Variants in MCF2L2 observed in about 807,000 individuals in gnomAD.
MCF2L2 encodes probable guanine nucleotide exchange factor MCF2L2.
MCF2L2 carries 102 observed loss-of-function variants against 150.2 expected under a neutral mutation model. The ratio of observed to expected loss-of-function variants is 0.68; its 90% CI spans 0.58 to 0.80. The LOEUF is 0.80. Among genes scored for constraint, MCF2L2 ranks in the 30% least tolerant of loss-of-function variants. MCF2L2 has a pLI of 0.00. For missense variants in MCF2L2, 1,256 were observed against 1,372.8 expected (o/e 0.91, Z 1.34); for synonymous variants, 465 against 491.3 (o/e 0.95, Z 0.71).
chr3:183,335,832 G>C (rs959400415), intron 5 of MCF2L2, among the ~76,000 whole-genome samples: 3 of 152,180 alleles, frequency 2.0e-5, no homozygotes, highest in African/African-American at 7.2e-5. Context: ...TTGCACTCTA[G>C]CCTGGGTGAC....
Position 183,179,206 on chromosome 3 carries a change from G to A in MCF2L2, c.*174C>T, listed in dbSNP as rs1721421462. 16 of 865,570 alleles carry A rather than the reference G, an allele frequency of 1.8e-5. No individual in the cohort carries two copies. The highest frequency in any genetic ancestry group is 3.3e-5 in the East Asian group (1 of 29,990). 53.6% of individuals were successfully genotyped at this position (865,570 alleles called of 1,614,324 possible). A position where few individuals can be genotyped will look rare whatever the true frequency, so the allele number is the denominator to read the frequency against. On this transcript the variant is annotated 3_prime_UTR_variant, in exon 30 of 30. Coordinates refer to ENST00000328913, the MANE Select transcript of MCF2L2 (RefSeq NM_015078.4). This position sits in a 1 kb window ranked among gnomAD's most constrained non-coding sequence, Gnocchi z 4.2. ...CGAGGTCCCCCGTGCGGAGCTAGGC[G>A]CGCACCCAGGACACCCCTCGGGCTC...
chr3:183,370,547 G>A (rs565652089), intron 3 of MCF2L2, among the ~76,000 whole-genome samples: 1 of 152,242 alleles, frequency 6.6e-6, no homozygotes, highest in African/African-American at 2.4e-5. Flanking sequence ...AAGATGGAAC[G>A]TGGGTTTCTA....
intron 1 of MCF2L2, among the ~76,000 whole-genome samples, chr3:183,401,613 C>A (rs1410214182): frequency 6.6e-6 from 1 of 152,230 alleles, no homozygotes; most frequent in Non-Finnish European, 1.5e-5. Flanking sequence ...CCCTGGTTCC[C>A]AGGCAACCAC....
intron 7 of MCF2L2, among the ~76,000 whole-genome samples, chr3:183,315,496 G>C (rs1283426414): frequency 6.6e-6 from 1 of 152,160 alleles, no homozygotes; most frequent in Non-Finnish European, 1.5e-5. Flanking sequence ...TTACAGGTTG[G>C]ATAGGGGGTG....
At chr3:183,333,961 CAAAA>C (rs57368442) in intron 5 of MCF2L2, among the ~76,000 whole-genome samples, 16,332 of 94,888 alleles carry the variant, frequency 0.17, 2,328 homozygotes, top group African/African-American at 0.37. Flanking sequence ...AAGGAAGTGC[CAAAA>C]AAAAAAAAAA....
intron 10 of MCF2L2, among the ~76,000 whole-genome samples, chr3:183,301,653 GGCATGGCA>G (rs548971198): frequency 3.9e-5 from 6 of 152,088 alleles, no homozygotes; most frequent in Non-Finnish European, 8.8e-5. Flanking sequence ...AAATTAGCCA[GGCATGGCA>G]GCATGCGCCG....
At chr3:183,323,155 C>T in intron 6 of MCF2L2, 80 bp downstream of exon 6, 1 of 969,474 alleles carries the variant, frequency 1.0e-6, no homozygotes, top group Non-Finnish European at 1.6e-6. Context: ...GACCTCCTGG[C>T]AGTTGATCTT....
intron 5 of MCF2L2, among the ~76,000 whole-genome samples, chr3:183,323,565 G>A (rs1455765136): frequency 1.3e-5 from 2 of 151,852 alleles, no homozygotes; most frequent in African/African-American, 4.8e-5. Context: ...GCTGAGGTGG[G>A]AGAATCATTT....
rs528156182 is a variant in MCF2L2 at position 183,272,775 on chromosome 3, G to T, written c.1862+4097C>A. 10 of 1,109,890 alleles carry T rather than the reference G, an allele frequency of 9.0e-6. No individual in the cohort carries two copies. The South Asian group carries it at 3.4e-4, about 38-fold the overall frequency. 68.8% of individuals were successfully genotyped at this position (1,109,890 alleles called of 1,614,324 possible). The stretch of plus-strand genomic sequence containing the variant: ...ATTGATTAATGATGTATTGCCTTTT[G>T]CCCATATATACCCTGTGTATCTATA... On this transcript the variant is annotated intron_variant, in intron 15 of 29. Transcript: ENST00000328913.
chr3:183,300,026 C>T lies in MCF2L2; in HGVS notation c.1284G>A (p.Glu428=), dbSNP rs753535980. 1 of 1,613,638 alleles carries T rather than the reference C, an allele frequency of 6.2e-7. No homozygotes were observed. Among genetic ancestry groups the T allele is most frequent in the East Asian group, 2.2e-5 (1 of 44,862 alleles). ...TCACCTTGTCCAGCTGTCTATGAAA[C>T]TCTAAGGACTTTCCTAAAATGTCCC... ...KKWDILGKSL[E]FHRQLDKVSQ... is the part of the protein sequence containing the mutation. The change falls in exon 11 of 30, where the codon GAG becomes GAA. Residue 428 remains glutamate, a synonymous_variant. Coordinates refer to ENST00000328913, the MANE Select transcript of MCF2L2 (RefSeq NM_015078.4).
intron 1 of MCF2L2, among the ~76,000 whole-genome samples, chr3:183,399,060 CTTCAA>C (rs2108609300): frequency 6.6e-6 from 1 of 152,270 alleles, no homozygotes; most frequent in South Asian, 2.1e-4. Flanking sequence ...TATATATACA[CTTCAA>C]TTCAAGCCTT....
At chr3:183,362,110 T>TTC (rs201553756) in intron 3 of MCF2L2, among the ~76,000 whole-genome samples, 2 of 74,384 alleles carry the variant, frequency 2.7e-5, no homozygotes, top group East Asian at 1.1e-3. Context: ...TCTCAAGAAC[T>TTC]TTTTTTTTTT....
intron 1 of MCF2L2, among the ~76,000 whole-genome samples, chr3:183,421,596 T>C (rs1715885834): frequency 6.6e-6 from 1 of 152,224 alleles, no homozygotes; most frequent in Admixed American, 6.5e-5. Flanking sequence ...TTTGAACATA[T>C]TTATTGCGGC....
At chr3:183,390,061 C>T (rs1714054113) in intron 1 of MCF2L2, among the ~76,000 whole-genome samples, 1 of 152,152 alleles carries the variant, frequency 6.6e-6, no homozygotes, top group African/African-American at 2.4e-5. Context: ...GTTTAAGCTC[C>T]AGCAGCTTCA....
intron 15 of MCF2L2, among the ~76,000 whole-genome samples, chr3:183,241,146 G>A (rs1724007507): frequency 6.6e-6 from 1 of 152,236 alleles, no homozygotes; most frequent in Non-Finnish European, 1.5e-5. Flanking sequence ...GGGGTTGGGG[G>A]AGACACTGCC....
At chr3:183,260,879 C>A in intron 15 of MCF2L2, among the ~76,000 whole-genome samples, 1 of 152,210 alleles carries the variant, frequency 6.6e-6, no homozygotes, top group East Asian at 1.9e-4. Flanking sequence ...CAAATGTATT[C>A]TCTGCAGGAG....
Position 183,180,155 on chromosome 3 carries a change from G to A in MCF2L2, c.3021C>T (p.Cys1007=). The A allele has an allele frequency of 3.1e-6, 5 of 1,611,040 alleles. No individual in the cohort carries two copies. Among genetic ancestry groups the A allele is most frequent in the Non-Finnish European group, 4.2e-6 (5 of 1,177,518 alleles). The change falls in exon 28 of 30, where the codon TGC becomes TGT. Residue 1007 remains cysteine, a synonymous_variant. Coordinates refer to ENST00000328913, the MANE Select transcript of MCF2L2 (RefSeq NM_015078.4). ...CCATGGAGCTAAACTCCCTGCTGGA[G>A]CAGCCTTAGGGAGAGAAAGGGAAGG... ...PASSTGGIKG[C]SSREFSSMDT...
Position 183,206,153 on chromosome 3 carries a change from C to G in MCF2L2, c.2774G>C (p.Ser925Thr), listed in dbSNP as rs368802777. 83 of 1,614,068 alleles carry G rather than the reference C, an allele frequency of 5.1e-5. No individual in the cohort carries two copies. The highest frequency in any genetic ancestry group is 6.7e-5 in the Non-Finnish European group (79 of 1,180,030). The change falls in exon 24 of 30, where the codon AGT (serine) becomes ACT (threonine). Residue 925 changes from serine to threonine, a missense_variant. Transcript: ENST00000328913. Reference sequence around the variant, plus strand: ...GATGTATTTCTCAAGTCCATTTCGACTGGCAATCTCAAACTTTCTATGGCT... The same window carrying G: ...GATGTATTTCTCAAGTCCATTTCGAGTGGCAATCTCAAACTTTCTATGGCT... ...RGSHRKFEIA[S>T]RNGLEKYILQ...
chr3:183,381,709 T>C (rs1713537651), intron 2 of MCF2L2, among the ~76,000 whole-genome samples: 1 of 152,180 alleles, frequency 6.6e-6, no homozygotes. Flanking sequence ...GGTACCTCTT[T>C]ATTAATCCTA....
Sources: allele counts gnomAD v4.1 joint callset (sites outside exome capture counted in the v4.1 genomes callset), GRCh38; gene constraint gnomAD v4.1.1; non-coding constraint Gnocchi (gnomAD v3.1); transcripts MANE v1.5; gene names NCBI Gene and HGNC (gene_info 2026-07-23, HGNC 2026-07-21).